The following PNPLA1 variants were observed in gnomAD, a reference collection of about 807,000 sequenced individuals.
PNPLA1 encodes the protein patatin like domain 1, omega-hydroxyceramide transacylase.
Under a neutral mutation model 51.7 loss-of-function variants are expected in PNPLA1, and 36 were observed. The observed-to-expected ratio is 0.70, with a 90% CI of 0.53 to 0.92. The LOEUF (loss-of-function observed/expected upper bound fraction) is 0.92. PNPLA1 is among the 40% of genes least tolerant of loss of function. PNPLA1 has a pLI of 0.00. For missense variants in PNPLA1, 658 were observed against 682.5 expected (o/e 0.96, Z 0.40); for synonymous variants, 293 against 280.1 (o/e 1.05, Z -0.46).
At chr6:36,243,695 G>A (rs1769194292) in intron 1 of PNPLA1, among the ~76,000 whole-genome samples, 2 of 152,162 alleles carry the variant, frequency 1.3e-5, no homozygotes. Context: ...GGAAGCATGG[G>A]GGCTGGTATC....
At chr6:36,298,699 G>A (rs771972026) in intron 5 of PNPLA1, among the ~76,000 whole-genome samples, 5 of 152,152 alleles carry the variant, frequency 3.3e-5, no homozygotes, top group Non-Finnish European at 7.3e-5. Flanking sequence ...TAACATAATG[G>A]CCTCAAGGTT....
chr6:36,271,726 C>T (rs979343142), intron 1 of PNPLA1, among the ~76,000 whole-genome samples: 10 of 152,142 alleles, frequency 6.6e-5, no homozygotes, highest in East Asian at 1.9e-4. Flanking sequence ...ACGAAGCCTG[C>T]GGTGTGGAAA....
chr6:36,273,888 A>T (rs1183789427), intron 1 of PNPLA1, among the ~76,000 whole-genome samples: 1 of 152,154 alleles, frequency 6.6e-6, no homozygotes, highest in African/African-American at 2.4e-5. Flanking sequence ...TAAAAAGGAC[A>T]TCAAGCAGTG....
chr6:36,289,273 C>A (rs1770601095), intron 1 of PNPLA1, among the ~76,000 whole-genome samples: 1 of 152,158 alleles, frequency 6.6e-6, no homozygotes, highest in Non-Finnish European at 1.5e-5. Context: ...ATGGGAAAAG[C>A]CATTGACCCT....
At chr6:36,297,888 A>ACCC (rs3220307) in intron 5 of PNPLA1, among the ~76,000 whole-genome samples, 2 of 150,666 alleles carry the variant, frequency 1.3e-5, no homozygotes, top group Admixed American at 6.6e-5. Flanking sequence ...ACACACACAC[A>ACCC]CCCTGTGAAA....
Position 36,308,223 on chromosome 6 carries a change from A to C in PNPLA1, c.1595+511A>C, listed in dbSNP as rs12214296. 20,239 of 152,322 alleles carry C rather than the reference A, an allele frequency of 0.13. 1,435 individuals carry two copies. Among genetic ancestry groups the C allele is most frequent in the Middle Eastern group, 0.21 (61 of 294 alleles). The allele number at this position is 152,322 out of a possible 1,614,324, so 9.4% of individuals were successfully genotyped here. On this transcript the variant is annotated intron_variant, in intron 8 of 8. Coordinates refer to ENST00000636260, the MANE Select transcript of PNPLA1 (RefSeq NM_001374623.1). Reference sequence around the variant, plus strand: ...GAAACTCCATCTCTACTAAAAATACAAAAATTAACCAGGCTTGATGGTGTG... The same window carrying C: ...GAAACTCCATCTCTACTAAAAATACCAAAATTAACCAGGCTTGATGGTGTG...
intron 1 of PNPLA1, among the ~76,000 whole-genome samples, chr6:36,283,065 T>C (rs1770371272): frequency 1.3e-5 from 2 of 152,194 alleles, no homozygotes; most frequent in Non-Finnish European, 1.5e-5. Flanking sequence ...GCTAAAATAG[T>C]ACAGAGCTCT....
rs12199580 is a variant in PNPLA1, at chr6:36,302,353, C to T, written c.1268C>T (p.Pro423Leu). The change falls in exon 6 of 9, where the codon CCC becomes CTC. Residue 423 changes from proline (P) to leucine (L), a missense_variant. Coordinates refer to ENST00000636260, the MANE Select transcript of PNPLA1 (RefSeq NM_001374623.1). ...CTACACTCTCAGGCACCCACTTCAC[C>T]CAGGCCATCCCTGGGGCCTTCAACT... is the stretch of plus-strand genomic sequence containing the variant. ...RSLHSQAPTS[P>L]RPSLGPSTVG... 9.9e-6 allele frequency: 16 copies of T among 1,611,690 alleles called. No individual in the cohort carries two copies. The highest frequency in any genetic ancestry group is 1.3e-5 in the African/African-American group (1 of 74,842).
chr6:36,287,394 G>A (rs1285688468), intron 1 of PNPLA1, among the ~76,000 whole-genome samples: 8 of 152,088 alleles, frequency 5.3e-5, no homozygotes, highest in African/African-American at 1.9e-4. Context: ...AGGGTGGGCT[G>A]AGGGGTGGGA....
intron 1 of PNPLA1, among the ~76,000 whole-genome samples, chr6:36,249,634 C>T (rs549079075): frequency 3.9e-5 from 6 of 152,096 alleles, no homozygotes; most frequent in Non-Finnish European, 5.9e-5. Context: ...TTCAGCACCA[C>T]GTAAGTGAAG....
intron 7 of PNPLA1, 94 bp from the exon 8 acceptor site, chr6:36,307,493 G>A (rs1257546981): frequency 2.5e-5 from 36 of 1,452,112 alleles, no homozygotes; most frequent in Middle Eastern, 1.9e-4. Context: ...GAACCACAGC[G>A]CGGGTGTGTC....
Position 36,295,425 on chromosome 6 carries a change from G to A in PNPLA1, c.775+1G>A. On this transcript the variant is annotated splice_donor_variant, in intron 5 of 8. Transcript: ENST00000636260. LOFTEE classifies it high-confidence loss of function. ...GCAGTTTTGTACTTGAGGCGGCTGA[G>A]TAAGTACCGGTGGGGCCCCAGGTAA... 6.2e-7 allele frequency: 1 copy of A among 1,614,194 alleles called. No homozygotes were observed. Among genetic ancestry groups the A allele is most frequent in the Non-Finnish European group, 8.5e-7 (1 of 1,180,026 alleles).
chr6:36,280,823 T>C (rs1770256246), intron 1 of PNPLA1, among the ~76,000 whole-genome samples: 1 of 152,242 alleles, frequency 6.6e-6, no homozygotes. Flanking sequence ...AGGGTCTTTC[T>C]CTGTCACCTA....
chr6:36,282,049 GA>G lies in PNPLA1; in HGVS notation c.206-9268del, dbSNP rs1770303871. 1.8e-4 allele frequency among the ~76,000 whole-genome samples: 12 copies of G among 66,006 alleles called. No individual in the cohort carries two copies. In the South Asian group the frequency reaches 6.9e-3, roughly 38 times the overall value. 43.3% of individuals were successfully genotyped at this position (66,006 alleles called of 152,430 possible). On this transcript the variant is annotated intron_variant, in intron 1 of 8. Transcript: ENST00000636260. ...AGAGAGAAAGAAAGAAAGAAGGAAA[GA>G]AAGAAAGAAAGAAAGAAAGAAAGAA...
intron 1 of PNPLA1, among the ~76,000 whole-genome samples, chr6:36,289,770 T>C (rs1770618880): frequency 1.3e-5 from 2 of 150,806 alleles, no homozygotes. Flanking sequence ...TTTCTCTGTG[T>C]CAGTTTCTGC....
chr6:36,261,461 G>GA (rs1263932543), intron 1 of PNPLA1, among the ~76,000 whole-genome samples: 1 of 152,214 alleles, frequency 6.6e-6, no homozygotes, highest in African/African-American at 2.4e-5. Context: ...AAGGGAGGAG[G>GA]AAAGTGTTGA....
Position 36,270,558 on chromosome 6 carries a change from C to T in PNPLA1, c.99C>T (p.Asp33=), listed in dbSNP as rs1472187624. Residue 33 remains aspartate (D), a synonymous_variant, in exon 1 of 9, where the codon GAC becomes GAT. Transcript: ENST00000636260. ...FLSFYQAGAV[D]ALRDLAPRML... is the part of the protein sequence containing the mutation. ...CCTTCTACCAGGCGGGGGCTGTGGA[C>T]GCCCTGCGGGACCTGGCCCCCCGGA... 16 of 1,551,504 alleles carry T rather than the reference C, an allele frequency of 1.0e-5. No individual in the cohort carries two copies. Among genetic ancestry groups the T allele is most frequent in the Non-Finnish European group, 1.3e-5 (15 of 1,147,016 alleles).
At chr6:36,264,643 C>T (rs1769723113) in intron 1 of PNPLA1, among the ~76,000 whole-genome samples, 1 of 152,144 alleles carries the variant, frequency 6.6e-6, no homozygotes, top group African/African-American at 2.4e-5. Context: ...TGTGACGTCT[C>T]ATTGCTTTAA....
intron 1 of PNPLA1, among the ~76,000 whole-genome samples, chr6:36,247,097 C>T (rs1319071451): frequency 6.6e-6 from 1 of 152,104 alleles, no homozygotes; most frequent in Non-Finnish European, 1.5e-5. Flanking sequence ...GTTCTTTGAC[C>T]TCCTCTCCCC....
Sources: gnomAD v4.1 joint callset for allele counts (sites outside exome capture counted in the v4.1 genomes callset) on GRCh38, gnomAD v4.1.1 for gene constraint, MANE v1.5 for transcripts, NCBI Gene and HGNC (gene_info 2026-07-23, HGNC 2026-07-21) for gene names.